GPHN: variants seen among roughly 807,000 people sequenced by gnomAD.
GPHN encodes the protein gephyrin.
A neutral mutation model predicts 95.5 loss-of-function variants in GPHN; 17 were observed. The ratio of observed to expected loss-of-function variants is 0.18; its 90% confidence interval spans 0.12 to 0.27. The LOEUF (loss-of-function observed/expected upper bound fraction) is 0.27. GPHN is among the 10% of genes least tolerant of loss of function. The pLI, the probability that GPHN is intolerant of heterozygous loss-of-function variation, is 1.00. For missense variants in GPHN, 660 were observed against 978.1 expected (o/e 0.67, Z 4.34); for synonymous variants, 320 against 322.5 (o/e 0.99, Z 0.08).
chr14:67,600,957 G>C, the GPHN span, among the ~76,000 whole-genome samples: 3 of 152,194 alleles, frequency 2.0e-5, no homozygotes, highest in African/African-American at 4.8e-5. Context: ...GAGAGCCCAC[G>C]GGTATTCATT....
intron 9 of GPHN, among the ~76,000 whole-genome samples, chr14:66,972,401 A>G (rs529692944): frequency 5.9e-4 from 90 of 152,154 alleles, no homozygotes; most frequent in Non-Finnish European, 1.0e-3. Context: ...CAAACATCTA[A>G]GTCTGAATAA....
the GPHN span, among the ~76,000 whole-genome samples, chr14:67,217,322 A>G: frequency 6.6e-6 from 1 of 152,164 alleles, no homozygotes; most frequent in Non-Finnish European, 1.5e-5. Flanking sequence ...AGTTTCATGT[A>G]GGCAGCATAT....
chr14:67,429,801 C>T, the GPHN span, among the ~76,000 whole-genome samples: 7 of 152,134 alleles, frequency 4.6e-5, no homozygotes, highest in African/African-American at 7.2e-5. Flanking sequence ...AAGGTTTTAC[C>T]GCATGCCAGA....
At chr14:67,525,459 C>A in the GPHN span, among the ~76,000 whole-genome samples, 2 of 152,176 alleles carry the variant, frequency 1.3e-5, no homozygotes, top group Admixed American at 6.5e-5. Context: ...CAATTGGATC[C>A]TTTTCCCCTC....
chr14:67,441,960 C>G, the GPHN span: 1 of 153,964 alleles, frequency 6.5e-6, no homozygotes, highest in Non-Finnish European at 1.5e-5. Context: ...CCTATTGGTT[C>G]TGTCTCTCTG....
intron 4 of GPHN, among the ~76,000 whole-genome samples, chr14:66,854,246 A>G (rs1259068243): frequency 2.0e-5 from 3 of 152,198 alleles, no homozygotes; most frequent in African/African-American, 2.4e-5. Flanking sequence ...TTCAGTCTCA[A>G]TACCCTTCAG....
intron 4 of GPHN, among the ~76,000 whole-genome samples, chr14:66,878,875 A>G (rs1044189565): frequency 6.6e-6 from 1 of 152,168 alleles, no homozygotes; most frequent in African/African-American, 2.4e-5. Flanking sequence ...CCAAAATATT[A>G]TATATCGTCC....
chr14:67,611,704 C>G, the GPHN span, among the ~76,000 whole-genome samples: 6 of 152,202 alleles, frequency 3.9e-5, no homozygotes, highest in Non-Finnish European at 8.8e-5. Context: ...AGCTCTTGCT[C>G]TAAAGCAATG....
chr14:67,415,857 C>T, the GPHN span, among the ~76,000 whole-genome samples: 8 of 152,192 alleles, frequency 5.3e-5, no homozygotes, highest in East Asian at 9.6e-4. Flanking sequence ...AGCCATTATC[C>T]TCAGCAAACT....
At chr14:67,055,451 T>C (rs1249958321) in intron 10 of GPHN, among the ~76,000 whole-genome samples, 3 of 152,146 alleles carry the variant, frequency 2.0e-5, no homozygotes, top group Non-Finnish European at 4.4e-5. Context: ...ATGGGAACTC[T>C]TTTACACTGT....
chr14:67,567,477 A>G, the GPHN span, among the ~76,000 whole-genome samples: 7 of 152,084 alleles, frequency 4.6e-5, no homozygotes, highest in Non-Finnish European at 8.8e-5. Flanking sequence ...AAATTCCATG[A>G]CCACTCTGGG....
the GPHN span, chr14:67,557,437 G>A: frequency 6.2e-7 from 1 of 1,609,670 alleles, no homozygotes; most frequent in Non-Finnish European, 8.5e-7. Flanking sequence ...TCATGCGCAA[G>A]GGAGCACCAT....
At chr14:67,058,977 A>T in intron 11 of GPHN, 191 bp downstream of exon 11, 1 of 528,918 alleles carries the variant, frequency 1.9e-6, no homozygotes, top group Non-Finnish European at 3.3e-6. Flanking sequence ...CAGTATACAG[A>T]GTAAAATCCA....
chr14:66,725,418 G>T (rs1471419684), intron 2 of GPHN, among the ~76,000 whole-genome samples: 1 of 152,124 alleles, frequency 6.6e-6, no homozygotes, highest in Non-Finnish European at 1.5e-5. Context: ...GTTTTATGTA[G>T]CAGTAAGAGC....
rs558338148 is a variant in GPHN at position 66,832,055 on chromosome 14, G to A, written c.294+7489G>A. Among the ~76,000 whole-genome samples the A allele has an allele frequency of 6.6e-5, 10 of 152,280 alleles. No individual in the cohort carries two copies. The South Asian group carries it at 1.9e-3, about 28-fold the overall frequency. On this transcript the variant is annotated intron_variant, in intron 4 of 22. Coordinates refer to ENST00000478722, the MANE Select transcript of GPHN (RefSeq NM_020806.5). ...CCAGCTACTCAGGAGGCCGAATCAC[G>A]AGAATCACTTGAACCCAGGAGGCGG...
intron 1 of GPHN, among the ~76,000 whole-genome samples, chr14:66,654,555 A>C (rs1209162733): frequency 6.6e-6 from 1 of 152,036 alleles, no homozygotes; most frequent in Non-Finnish European, 1.5e-5. Context: ...TCTGCATGCC[A>C]GTGTTTTCTT....
At chr14:66,670,875 C>G (rs1390532882) in intron 1 of GPHN, among the ~76,000 whole-genome samples, 1 of 151,986 alleles carries the variant, frequency 6.6e-6, no homozygotes, top group African/African-American at 2.4e-5. Flanking sequence ...GAGAATTGTA[C>G]CTAGGTACTT....
chr14:66,992,573 T>C (rs1186194708), intron 9 of GPHN, among the ~76,000 whole-genome samples: 1 of 152,186 alleles, frequency 6.6e-6, no homozygotes, highest in African/African-American at 2.4e-5. Context: ...ACTGTGATTT[T>C]ATAGATCTTT....
intron 5 of GPHN, among the ~76,000 whole-genome samples, chr14:66,898,904 G>A (rs1396426905): frequency 6.6e-6 from 1 of 151,708 alleles, no homozygotes; most frequent in Non-Finnish European, 1.5e-5. Flanking sequence ...TTTTATTGCA[G>A]TTTTCAGTAT....
Sources: allele counts gnomAD v4.1 joint callset (sites outside exome capture counted in the v4.1 genomes callset), GRCh38; gene constraint gnomAD v4.1.1; transcripts MANE v1.5; gene names NCBI Gene and HGNC (gene_info 2026-07-23, HGNC 2026-07-21).